Variants in PEX7 observed in about 807,000 individuals in gnomAD.
PEX7 encodes peroxisomal biogenesis factor 7, also known as PTS2 receptor.
PEX7 carries 34 observed loss-of-function variants against 47.5 expected under a neutral mutation model. That is an observed-to-expected ratio of 0.72 (90% CI 0.54 to 0.95). The LOEUF (loss-of-function observed/expected upper bound fraction) is 0.95. PEX7 is among the 40% of genes least tolerant of loss of function. PEX7 has a pLI of 0.00. For missense variants in PEX7, 394 were observed against 400.3 expected (o/e 0.98, Z 0.13); for synonymous variants, 141 against 148.8 (o/e 0.95, Z 0.38).
intron 8 of PEX7, among the ~76,000 whole-genome samples, chr6:136,876,319 G>A (rs1285027727): frequency 3.3e-5 from 5 of 152,192 alleles, no homozygotes; most frequent in Admixed American, 1.3e-4. Context: ...TTACAGGCGT[G>A]AGCCACTGCG....
intron 8 of PEX7, among the ~76,000 whole-genome samples, chr6:136,891,751 C>G (rs1176858967): frequency 6.6e-6 from 1 of 151,986 alleles, no homozygotes; most frequent in Non-Finnish European, 1.5e-5. Flanking sequence ...AGCGATCCTC[C>G]TGCCTCAGCC....
At chr6:136,840,214 A>C (rs75940289) in intron 3 of PEX7, among the ~76,000 whole-genome samples, 3,036 of 152,294 alleles carry the variant, frequency 0.02, 107 homozygotes, top group African/African-American at 0.07. Context: ...GGTATATTGA[A>C]CACACATATT....
intron 3 of PEX7, among the ~76,000 whole-genome samples, chr6:136,842,834 G>A (rs1021236780): frequency 2.6e-5 from 4 of 152,196 alleles, no homozygotes; most frequent in Non-Finnish European, 5.9e-5. Context: ...GTTGAAGGCA[G>A]CATATGACTC....
chr6:136,855,774 GC>G (rs1774850473), intron 5 of PEX7: 2 of 382,810 alleles, frequency 5.2e-6, no homozygotes, highest in Non-Finnish European at 1.0e-5. Context: ...TATTTCGTTT[GC>G]CCCACTGGAA....
At chr6:136,871,843 G>A (rs1179842985) in intron 7 of PEX7, among the ~76,000 whole-genome samples, 1 of 152,168 alleles carries the variant, frequency 6.6e-6, no homozygotes, top group African/African-American at 2.4e-5. Context: ...TTACAGGTGT[G>A]AGCTGCTGCA....
chr6:136,885,091 C>G (rs1775446859), intron 8 of PEX7, among the ~76,000 whole-genome samples: 1 of 152,164 alleles, frequency 6.6e-6, no homozygotes, highest in South Asian at 2.1e-4. Context: ...CCAAGTAGAT[C>G]ATTTCATAAA....
chr6:136,887,753 A>G (rs1392969724), intron 8 of PEX7, among the ~76,000 whole-genome samples: 1 of 152,172 alleles, frequency 6.6e-6, no homozygotes, highest in Non-Finnish European at 1.5e-5. Flanking sequence ...AAAAAAGCAA[A>G]CTGTATTTAC....
chr6:136,913,634 A>G lies in PEX7; in HGVS notation c.*108A>G, dbSNP rs1490915041. On this transcript the variant is annotated 3_prime_UTR_variant, in exon 10 of 10. Transcript: ENST00000318471. ...CATTATGCTTTTATATGCTATTCAG[A>G]TTTCAAATCTTTCCAATTTACCCTG... 1 of 840,062 alleles carries G rather than the reference A, an allele frequency of 1.2e-6. No homozygotes were observed. The highest frequency in any genetic ancestry group is 2.0e-6 in the Non-Finnish European group (1 of 488,216). 52.0% of individuals were successfully genotyped at this position (840,062 alleles called of 1,614,324 possible). A position where few individuals can be genotyped will look rare whatever the true frequency, so the allele number is the denominator to read the frequency against.
At chr6:136,874,497 C>A (rs1192070535) in intron 8 of PEX7, among the ~76,000 whole-genome samples, 1 of 151,834 alleles carries the variant, frequency 6.6e-6, no homozygotes, top group African/African-American at 2.4e-5. Context: ...CATGGTGAAA[C>A]CCTGTCTCTA....
Position 136,900,462 on chromosome 6 carries a change from GC to G in PEX7, c.903+2228del. ...CCACAGACTTGGGACCAAGGACATT[GC>G]CCCCCCAGTGACAGCAGATCTCATC... On this transcript the variant is annotated intron_variant, in intron 9 of 9. Transcript: ENST00000318471. This position sits in a 1 kb window ranked among gnomAD's most constrained non-coding sequence, Gnocchi z 4.2. The G allele has an allele frequency of 6.1e-5, 28 of 456,764 alleles. No individual in the cohort carries two copies. Among genetic ancestry groups the G allele is most frequent in the South Asian group, 1.2e-4 (7 of 60,680 alleles). 28.3% of individuals were successfully genotyped at this position (456,764 alleles called of 1,614,324 possible).
At chr6:136,840,627 A>G (rs193078956) in intron 3 of PEX7, among the ~76,000 whole-genome samples, 137 of 152,346 alleles carry the variant, frequency 9.0e-4, no homozygotes, top group African/African-American at 3.3e-3. Flanking sequence ...GTAAACAAAA[A>G]TGGATGGGGA....
In PEX7 at chr6:136,866,634, G is replaced by C. The variant is rs746010906; in HGVS notation, c.534G>C (p.Gln178His). 1.1e-5 allele frequency: 17 copies of C among 1,613,750 alleles called. No individual in the cohort carries two copies. The highest frequency in any genetic ancestry group is 1.0e-4 in the Admixed American group (6 of 59,996). ...PGCFASASGD[Q>H]TLRIWDVKAA... The stretch of plus-strand genomic sequence containing the variant: ...AGTCTTCCTTTTTACTAGGTGATCA[G>C]ACTCTGAGAATATGGGATGTGAAGG... The change falls in exon 6 of 10, where the codon CAG (glutamine) becomes CAC (histidine). Residue 178 changes from glutamine (Q) to histidine (H), a missense_variant. Physicochemically the swap from Gln to His is conservative, Grantham distance 24 (BLOSUM62 0). Coordinates refer to ENST00000318471, the MANE Select transcript of PEX7 (RefSeq NM_000288.4).
At chr6:136,829,429 A>G (rs901476500) in intron 3 of PEX7, among the ~76,000 whole-genome samples, 2 of 152,158 alleles carry the variant, frequency 1.3e-5, no homozygotes, top group African/African-American at 4.8e-5. Context: ...TTATAAGAGC[A>G]CTAATCCCAT....
At chr6:136,912,795 C>T (rs896148479) in intron 9 of PEX7, among the ~76,000 whole-genome samples, 4 of 152,242 alleles carry the variant, frequency 2.6e-5, no homozygotes, top group Non-Finnish European at 4.4e-5. Flanking sequence ...ATTTTATACC[C>T]GGAGACATTG....
chr6:136,903,382 C>T (rs1775787737), intron 9 of PEX7, among the ~76,000 whole-genome samples: 1 of 139,364 alleles, frequency 7.2e-6, no homozygotes, highest in Non-Finnish European at 1.5e-5. Flanking sequence ...TGCTATGTTG[C>T]CCAGGTTGGT....
At chr6:136,882,872 G>A (rs982243173) in intron 8 of PEX7, among the ~76,000 whole-genome samples, 12 of 151,952 alleles carry the variant, frequency 7.9e-5, no homozygotes, top group Non-Finnish European at 1.8e-4. Flanking sequence ...CAAGCTTTTA[G>A]TGTCCGCATA....
Position 136,841,792 on chromosome 6 carries a change from T to C in PEX7, c.340-3823T>C, listed in dbSNP as rs1317160929. Among the ~76,000 whole-genome samples the C allele has an allele frequency of 4.6e-5, 7 of 151,900 alleles. 1 individual carries two copies. Among genetic ancestry groups the C allele is most frequent in the African/African-American group, 1.7e-4 (7 of 41,350 alleles). On this transcript the variant is annotated intron_variant, in intron 3 of 9. Coordinates refer to ENST00000318471, the MANE Select transcript of PEX7 (RefSeq NM_000288.4). ...TAGAGACGGGGGTCTCGCCATATTT[T>C]CCAGGCTGGTCTCGAACTCGTGGCC...
At chr6:136,869,598 C>G (rs1412287377) in intron 6 of PEX7, among the ~76,000 whole-genome samples, 1 of 152,170 alleles carries the variant, frequency 6.6e-6, no homozygotes, top group Non-Finnish European at 1.5e-5. Flanking sequence ...GCTTCTAAAG[C>G]TGAATTAGAA....
At position 136,912,379 on chromosome 6, in the gene PEX7, G is replaced by A. The variant is rs1046752863; in HGVS notation, c.904-1079G>A. 4.0e-5 allele frequency among the ~76,000 whole-genome samples: 6 copies of A among 151,516 alleles called. No individual in the cohort carries two copies. The South Asian group carries it at 1.3e-3, about 32-fold the overall frequency. On this transcript the variant is annotated intron_variant, in intron 9 of 9. Coordinates refer to ENST00000318471, the MANE Select transcript of PEX7 (RefSeq NM_000288.4). ...GTTTGCTTTTATATTTAGGTCTGTG[G>A]TGCATCTCAAATTCATTTTTATGTG... is the stretch of plus-strand genomic sequence containing the variant.
Sources: gnomAD v4.1 joint callset for allele counts (sites outside exome capture counted in the v4.1 genomes callset) on GRCh38, gnomAD v4.1.1 for gene constraint, Gnocchi (gnomAD v3.1) non-coding constraint, MANE v1.5 for transcripts, NCBI Gene and HGNC (gene_info 2026-07-23, HGNC 2026-07-21) for gene names.